ACAA1: variants seen among roughly 807,000 people sequenced by gnomAD.
The protein encoded by ACAA1 is acetyl-CoA acyltransferase 1, also known as 3-ketoacyl-CoA thiolase, peroxisomal.
Under a neutral mutation model 48.8 loss-of-function variants are expected in ACAA1, and 44 were observed. That is an observed-to-expected ratio of 0.90 (90% CI 0.71 to 1.16). The LOEUF is 1.16. ACAA1 is among the 50% of genes most tolerant of loss of function. The pLI, the probability that ACAA1 is intolerant of heterozygous loss-of-function variation, is 0.00. For synonymous variants in ACAA1, 233 were observed against 226.5 expected (o/e 1.03, Z -0.26); for missense variants, 512 against 562.3 (o/e 0.91, Z 0.90).
rs1700558353 is a variant in ACAA1, at chr3:38,122,772, C to T, written c.*275G>A. The T allele has an allele frequency of 8.3e-7, 1 of 1,205,088 alleles. No individual in the cohort carries two copies. Among genetic ancestry groups the T allele is most frequent in the African/African-American group, 1.5e-5 (1 of 65,102 alleles). The allele number at this position is 1,205,088 out of a possible 1,614,324, so 74.6% of individuals were successfully genotyped here. ...CTTCTCATCCATGGATTTGCCTTGC[C>T]TTAAGAATTAACCATGGCCTTGTGG... On this transcript the variant is annotated 3_prime_UTR_variant, in exon 12 of 12. Coordinates refer to ENST00000333167, the MANE Select transcript of ACAA1 (RefSeq NM_001607.4).
At chr3:38,127,997 T>C (rs1700712641) in intron 6 of ACAA1, 131 bp from the exon 7 acceptor site, 1 of 805,568 alleles carries the variant, frequency 1.2e-6, no homozygotes, top group Non-Finnish European at 2.1e-6. Flanking sequence ...GGCCAGTCCA[T>C]GCCACAGACA....
chr3:38,129,161 C>T lies in ACAA1; in HGVS notation c.545+129G>A, dbSNP rs865890476. ...TCAAGTCTCATCCCCAAAGTCCCTG[C>T]GGAGCAGACCATGCCCAAAGGAAGG... is the stretch of plus-strand genomic sequence containing the variant. On this transcript the variant is annotated intron_variant, in intron 6 of 11. Coordinates refer to ENST00000333167, the MANE Select transcript of ACAA1 (RefSeq NM_001607.4). This position sits in a 1 kb window ranked among gnomAD's most constrained non-coding sequence, Gnocchi z 5.3. The T allele has an allele frequency of 6.1e-5, 46 of 760,096 alleles. No individual in the cohort carries two copies. Among genetic ancestry groups the T allele is most frequent in the Middle Eastern group, 2.4e-4 (1 of 4,212 alleles). The allele number at this position is 760,096 out of a possible 1,614,324, so 47.1% of individuals were successfully genotyped here.
Position 38,136,675 on chromosome 3 carries a change from G to A in ACAA1, c.182C>T (p.Pro61Leu), listed in dbSNP as rs1700903424. 1.9e-6 allele frequency: 3 copies of A among 1,612,318 alleles called. No homozygotes were observed. In the East Asian group the frequency reaches 6.7e-5, roughly 36 times the overall value. Residue 61 changes from proline to leucine, a missense_variant, in exon 2 of 12, where the codon CCC becomes CTC. Coordinates refer to ENST00000333167, the MANE Select transcript of ACAA1 (RefSeq NM_001607.4). ...AGRGGFKDTTPDELLSAVMTA... is the reference protein window; with the variant it reads ...AGRGGFKDTTLDELLSAVMTA... ...CATGACTGCCGAGAGAAGCTCGTCGGGGGTGGTGTCCTGCAGCAGAAAGAG... is the reference window on the plus strand; with the variant it reads ...CATGACTGCCGAGAGAAGCTCGTCGAGGGTGGTGTCCTGCAGCAGAAAGAG...
rs138567761 is a variant in ACAA1 at position 38,131,619 on chromosome 3, A to C, written c.423T>G (p.Ser141=). The change falls in exon 5 of 12, where the codon TCT becomes TCG. Residue 141 remains serine, a synonymous_variant. Transcript: ENST00000333167. ...ASIAGGIRNG[S]YDIGMACGVE... is the part of the protein sequence containing the mutation. The stretch of plus-strand genomic sequence containing the variant: ...ACCCACAGGCCATGCCAATGTCATA[A>C]GACCCATTTCTGATGCCACCTGTAA... The C allele has an allele frequency of 1.2e-6, 2 of 1,614,220 alleles. No individual in the cohort carries two copies. The highest frequency in any genetic ancestry group is 1.7e-6 in the Non-Finnish European group (2 of 1,180,042).
At chr3:38,133,883 G>C (rs761494930) in intron 3 of ACAA1, 69 bp downstream of exon 3, 23 of 1,542,260 alleles carry the variant, frequency 1.5e-5, no homozygotes, top group Non-Finnish European at 2.1e-5. Context: ...TGCACACTGA[G>C]TTTCCTGGGG....
chr3:38,124,074 A>C (rs1229883113), intron 11 of ACAA1: 1 of 152,256 alleles, frequency 6.6e-6, no homozygotes, highest in Non-Finnish European at 1.5e-5. Flanking sequence ...ACAACAGAAC[A>C]CTTCACAGGC....
At chr3:38,132,155 C>T in intron 3 of ACAA1, 150 bp from the exon 4 acceptor site, 1 of 608,794 alleles carries the variant, frequency 1.6e-6, no homozygotes, top group South Asian at 1.8e-5. Context: ...CAGGCCAGAT[C>T]CATGGAATGG....
At chr3:38,134,114 A>G in intron 2 of ACAA1, 105 bp from the exon 3 acceptor site, 3 of 1,172,686 alleles carry the variant, frequency 2.6e-6, no homozygotes, top group Non-Finnish European at 3.6e-6. Context: ...TCTTCGGGAC[A>G]CTAGCCCTTG....
chr3:38,124,016 A>ATGT (rs1700614066), intron 11 of ACAA1: 2 of 152,158 alleles, frequency 1.3e-5, no homozygotes, highest in Non-Finnish European at 2.9e-5. Flanking sequence ...ATGTCAAAAA[A>ATGT]AAAAAAAAAT....
rs774144449 is a variant in ACAA1, at chr3:38,126,384, T to C, written c.818-43A>G. 6.2e-7 allele frequency: 1 copy of C among 1,606,554 alleles called. No homozygotes were observed. Among genetic ancestry groups the C allele is most frequent in the African/African-American group, 1.3e-5 (1 of 74,832 alleles). On this transcript the variant is annotated intron_variant, in intron 8 of 11. Transcript: ENST00000333167. The surrounding 1 kb of genome is among the most constrained non-coding windows in gnomAD (Gnocchi z 4.7). ...GGGTAAGAAGGCATCGGGGTGGGGA[T>C]GAGGAGATCCCAGCCCTCCCACTTC...
At chr3:38,123,246 A>G (rs1246536305) in intron 11 of ACAA1, 124 bp from the exon 12 acceptor site, 6 of 888,802 alleles carry the variant, frequency 6.8e-6, no homozygotes, top group Non-Finnish European at 1.1e-5. Flanking sequence ...TCTGTGGGCA[A>G]GCGGTACCCT....
intron 3 of ACAA1, 24 bp from the exon 4 acceptor site, chr3:38,132,029 G>T (rs1700800312): frequency 6.3e-7 from 1 of 1,597,946 alleles, no homozygotes; most frequent in South Asian, 1.1e-5. Context: ...TGAGAAAGTA[G>T]AATCAGCCCC....
intron 5 of ACAA1, 93 bp downstream of exon 5, chr3:38,131,503 G>A (rs1700787957): frequency 1.5e-6 from 2 of 1,358,492 alleles, no homozygotes; most frequent in Admixed American, 3.4e-5. Context: ...GGGATGGGGG[G>A]AATCCTGAAA....
chr3:38,127,403 G>A (rs75317295), intron 7 of ACAA1, among the ~76,000 whole-genome samples: 3,431 of 152,124 alleles, frequency 0.023, 131 homozygotes, highest in African/African-American at 0.077. Context: ...CTCTGATATC[G>A]TCCTCAGTTC....
chr3:38,122,894 C>T lies in ACAA1; in HGVS notation c.*153G>A. 4 of 829,166 alleles carry T rather than the reference C, an allele frequency of 4.8e-6. No individual in the cohort carries two copies. The South Asian group carries it at 6.7e-5, about 14-fold the overall frequency. 51.4% of individuals were successfully genotyped at this position (829,166 alleles called of 1,614,324 possible). ...ACTCCTATACCATGTCATCAGTGTT[C>T]ACATTTTCCAAATGAGTTGAAGTGC... On this transcript the variant is annotated 3_prime_UTR_variant, in exon 12 of 12. Coordinates refer to ENST00000333167, the MANE Select transcript of ACAA1 (RefSeq NM_001607.4).
Position 38,136,887 on chromosome 3 carries a change from C to G in ACAA1, c.149G>C (p.Arg50Pro), listed in dbSNP as rs1048707074. Reference sequence around the variant, plus strand: ...CACCTTGAAGCCGCCGCGGCCCGCCCGGCAGATGGCCGTGCGCCGCCCGTG... The same window carrying G: ...CACCTTGAAGCCGCCGCGGCCCGCCGGGCAGATGGCCGTGCGCCGCCCGTG... ...VVHGRRTAIC[R>P]AGRGGFKDTT... The change falls in exon 1 of 12, where the codon CGG becomes CCG. Residue 50 changes from arginine (R) to proline (P), a missense_variant. Coordinates refer to ENST00000333167, the MANE Select transcript of ACAA1 (RefSeq NM_001607.4). The G allele has an allele frequency of 6.5e-6, 10 of 1,527,490 alleles. No homozygotes were observed. The highest frequency in any genetic ancestry group is 8.8e-6 in the Non-Finnish European group (10 of 1,142,212). 94.6% of individuals were successfully genotyped at this position (1,527,490 alleles called of 1,614,324 possible).
Position 38,129,731 on chromosome 3 carries a change from C to T in ACAA1, c.447-343G>A, listed in dbSNP as rs1451627178. Among the ~76,000 whole-genome samples, 1 of 152,242 alleles carries T rather than the reference C, an allele frequency of 6.6e-6. No homozygotes were observed. The highest frequency in any genetic ancestry group is 1.5e-5 in the Non-Finnish European group (1 of 68,042). On this transcript the variant is annotated intron_variant, in intron 5 of 11. Transcript: ENST00000333167. This position sits in a 1 kb window ranked among gnomAD's most constrained non-coding sequence, Gnocchi z 5.3. ...CAGAGGAGGAAACACATCCACAAGC[C>T]AGGGCCTGCCCTCAGGGCCCACAAA...
chr3:38,134,579 T>C (rs1700851363), intron 2 of ACAA1: 1 of 453,008 alleles, frequency 2.2e-6, no homozygotes, highest in South Asian at 1.6e-5. Context: ...TGTTTCTGCT[T>C]TGAGATGCTG....
chr3:38,130,209 A>T (rs1700759266), intron 5 of ACAA1, among the ~76,000 whole-genome samples: 1 of 152,336 alleles, frequency 6.6e-6, no homozygotes, highest in African/African-American at 2.4e-5. Flanking sequence ...ACCTCAAGGG[A>T]TGATAACAGA....
Sources: gnomAD v4.1 joint callset for allele counts (sites outside exome capture counted in the v4.1 genomes callset) on GRCh38, gnomAD v4.1.1 for gene constraint, Gnocchi (gnomAD v3.1) non-coding constraint, MANE v1.5 for transcripts, NCBI Gene and HGNC (gene_info 2026-07-23, HGNC 2026-07-21) for gene names.